Variants in OTOG observed in about 807,000 individuals in gnomAD.
OTOG encodes otogelin.
OTOG carries 296 observed loss-of-function variants against 313.8 expected under a neutral mutation model. The observed-to-expected ratio is 0.94, with a 90% confidence interval of 0.86 to 1.04. The LOEUF (loss-of-function observed/expected upper bound fraction) is 1.04, where lower values mean the gene tolerates loss of function less well. Among genes scored for constraint, OTOG ranks in the 50% least tolerant of loss-of-function variants. OTOG has a pLI of 0.00. For synonymous variants in OTOG, 1,533 were observed against 1,554.9 expected (o/e 0.99, Z 0.33); for missense variants, 3,948 against 3,840.1 (o/e 1.03, Z -0.74).
At position 17,578,363 on chromosome 11, in the gene OTOG, T is replaced by C; in HGVS notation, c.2606-10T>C. On this transcript the variant is annotated splice_polypyrimidine_tract_variant and intron_variant, in intron 22 of 55. Transcript: ENST00000399397. ...CCCAGGGCCTCCGCTCCCATCTTCT[T>C]CTCTTCCAGCTGCTGCCTGCCCAGC... 6.7e-7 allele frequency: 1 copy of C among 1,492,868 alleles called. No homozygotes were observed. Among genetic ancestry groups the C allele is most frequent in the Non-Finnish European group, 8.9e-7 (1 of 1,121,026 alleles). 92.5% of individuals were successfully genotyped at this position (1,492,868 alleles called of 1,614,324 possible).
chr11:17,615,805 A>G (rs1303509477), intron 39 of OTOG, among the ~76,000 whole-genome samples: 1 of 152,092 alleles, frequency 6.6e-6, no homozygotes, highest in Non-Finnish European at 1.5e-5. Context: ...GCACGCACCT[A>G]TAATCCCAGC....
chr11:17,564,598 A>G (rs949553162), intron 15 of OTOG, among the ~76,000 whole-genome samples: 7 of 152,232 alleles, frequency 4.6e-5, no homozygotes, highest in Admixed American at 2.6e-4. Context: ...GAGAGAAGTC[A>G]AAGATGAAGC....
intron 39 of OTOG, among the ~76,000 whole-genome samples, chr11:17,623,754 A>G (rs192893256): frequency 1.3e-5 from 2 of 152,200 alleles, no homozygotes; most frequent in East Asian, 3.9e-4. Context: ...ACTAATTTAT[A>G]CTCTCACCAA....
intron 32 of OTOG, among the ~76,000 whole-genome samples, chr11:17,603,967 C>G (rs1222533980): frequency 6.6e-6 from 1 of 152,122 alleles, no homozygotes; most frequent in Non-Finnish European, 1.5e-5. Context: ...CTGTTCTAAG[C>G]GCTTCATGTA....
At chr11:17,573,357 C>T in intron 19 of OTOG, 67 bp downstream of exon 19, 1 of 1,428,686 alleles carries the variant, frequency 7.0e-7, no homozygotes, top group Non-Finnish European at 9.3e-7. Context: ...TGTCCCCTGC[C>T]CCTGAAAGTC....
Position 17,574,916 on chromosome 11 carries a change from A to G in OTOG, c.2486+4A>G, listed in dbSNP as rs763366802. On this transcript the variant is annotated splice_donor_region_variant and intron_variant, in intron 20 of 55. Transcript: ENST00000399397. ...AGGCTGACCTCTGTGTCCCCCGGTG[A>G]GTGGGTCAGCTTGATCTCTGAGTTG... is the stretch of plus-strand genomic sequence containing the variant. 7.4e-6 allele frequency: 11 copies of G among 1,495,768 alleles called. No individual in the cohort carries two copies. The South Asian group carries it at 1.2e-4, about 16-fold the overall frequency. The allele number at this position is 1,495,768 out of a possible 1,614,324, so 92.7% of individuals were successfully genotyped here.
chr11:17,580,239 A>G (rs144684125), intron 23 of OTOG, among the ~76,000 whole-genome samples: 21 of 152,384 alleles, frequency 1.4e-4, no homozygotes, highest in African/African-American at 3.4e-4. Flanking sequence ...GCCACTAGGC[A>G]GTGAGGCACA....
chr11:17,616,082 C>T (rs1853711757), intron 39 of OTOG, among the ~76,000 whole-genome samples: 1 of 151,860 alleles, frequency 6.6e-6, no homozygotes, highest in Admixed American at 6.6e-5. Flanking sequence ...TTTTTAGAGA[C>T]AGGGTCTTTC....
At chr11:17,577,053 G>T in intron 22 of OTOG, 142 bp downstream of exon 22, 1 of 860,968 alleles carries the variant, frequency 1.2e-6, no homozygotes, top group Non-Finnish European at 1.8e-6. Flanking sequence ...TGCCCTCTTG[G>T]CAAAGACTCC....
chr11:17,552,551 C>CCACCTGTCCTGTGTCCCT (rs1851961869), intron 4 of OTOG, among the ~76,000 whole-genome samples: 6 of 135,302 alleles, frequency 4.4e-5, no homozygotes, highest in African/African-American at 1.5e-4. Flanking sequence ...CCTGTGTCCC[C>CCACCTGTCCTGTGTCCCT]CACCTGTCCT....
At chr11:17,641,174 C>T in intron 51 of OTOG, 83 bp downstream of exon 51, 1 of 1,402,192 alleles carries the variant, frequency 7.1e-7, no homozygotes, top group Non-Finnish European at 9.6e-7. Context: ...CCAGAGGGGC[C>T]CTTGAAGCTG....
At chr11:17,634,308 A>G (rs922193776) in intron 44 of OTOG, 27 bp downstream of exon 44, 1 of 1,544,532 alleles carries the variant, frequency 6.5e-7, no homozygotes, top group African/African-American at 1.4e-5. Context: ...ACTTCCTTGG[A>G]CGTCAACTGT....
chr11:17,641,808 TG>T, intron 51 of OTOG, 38 bp from the exon 52 acceptor site: 1 of 1,419,214 alleles, frequency 7.0e-7, no homozygotes, highest in Non-Finnish European at 9.6e-7. Context: ...AGGGTGGAGG[TG>T]GGCATCTGGC....
Position 17,609,187 on chromosome 11 carries a change from G to A in OTOG, c.4332G>A (p.Gln1444=). The A allele has an allele frequency of 6.4e-7, 1 of 1,550,588 alleles. No individual in the cohort carries two copies. Among genetic ancestry groups the A allele is most frequent in the Non-Finnish European group, 8.7e-7 (1 of 1,146,936 alleles). The stretch of plus-strand genomic sequence containing the variant: ...CCCAGGTCCTGGATGAAGTCACACA[G>A]AGATGTGTCTACTTGGAGGACTGTA... ...PTPQVLDEVT[Q]RCVYLEDCVE... Residue 1444 remains glutamine (Q), a synonymous_variant, in exon 35 of 56, where the codon CAG becomes CAA. Transcript: ENST00000399397.
At chr11:17,560,555 C>G (rs1439798076) in intron 12 of OTOG, among the ~76,000 whole-genome samples, 154 bp from the exon 13 acceptor site, 1 of 152,146 alleles carries the variant, frequency 6.6e-6, no homozygotes, top group African/African-American at 2.4e-5. Flanking sequence ...CACTTCTGGC[C>G]TGAGCCAAGG....
At chr11:17,588,748 C>A (rs1852863841) in intron 24 of OTOG, among the ~76,000 whole-genome samples, 1 of 152,072 alleles carries the variant, frequency 6.6e-6, no homozygotes, top group African/African-American at 2.4e-5. Flanking sequence ...TCAGATTCTT[C>A]ATCCTCTCTC....
chr11:17,638,252 C>T (rs1854310080), intron 47 of OTOG, among the ~76,000 whole-genome samples, 199 bp from the exon 48 acceptor site: 1 of 152,220 alleles, frequency 6.6e-6, no homozygotes. Flanking sequence ...ACCAGTGCCT[C>T]ACAGACACAG....
rs1325160141 is a variant in OTOG, at chr11:17,553,418, C to G, written c.439C>G (p.His147Asp). The G allele has an allele frequency of 1.4e-6, 2 of 1,472,586 alleles. No homozygotes were observed. Among genetic ancestry groups the G allele is most frequent in the Non-Finnish European group, 9.0e-7 (1 of 1,109,620 alleles). The allele number at this position is 1,472,586 out of a possible 1,614,324, so 91.2% of individuals were successfully genotyped here. Reference protein sequence around the residue: ...DSICRAWGQHHVETFDGLYYY... With the variant: ...DSICRAWGQHDVETFDGLYYY... ...CATTTGCCGGGCGTGGGGGCAGCAC[C>G]ACGTGGAGACATTTGATGGGCTCTA... The change falls in exon 6 of 56, where the codon CAC (histidine) becomes GAC (aspartate). Residue 147 changes from histidine to aspartate, a missense_variant. Transcript: ENST00000399397.
intron 28 of OTOG, among the ~76,000 whole-genome samples, chr11:17,594,629 A>C (rs1853044660): frequency 2.0e-5 from 3 of 152,200 alleles, no homozygotes; most frequent in Non-Finnish European, 4.4e-5. Flanking sequence ...GGTCTCTGAG[A>C]GGAAGGGCAA....
Sources: allele counts gnomAD v4.1 joint callset (sites outside exome capture counted in the v4.1 genomes callset), GRCh38; gene constraint gnomAD v4.1.1; transcripts MANE v1.5; gene names NCBI Gene and HGNC (gene_info 2026-07-23, HGNC 2026-07-21).